OSBPL9: variants seen among roughly 807,000 people sequenced by gnomAD.
OSBPL9 encodes the protein oxysterol-binding protein-related protein 9.
In OSBPL9, 40 loss-of-function variants were observed where a neutral mutation model predicts 106.6. That is an observed-to-expected ratio of 0.38 (90% CI 0.29 to 0.49). The LOEUF is 0.49. Ranked by LOEUF, OSBPL9 falls within the 20% of genes least tolerant of loss-of-function variation. The pLI, the probability that OSBPL9 is intolerant of heterozygous loss-of-function variation, is 0.97. For missense variants in OSBPL9, 609 were observed against 887.2 expected (o/e 0.69, Z 3.98); for synonymous variants, 269 against 295.4 (o/e 0.91, Z 0.92).
upstream of OSBPL9, among the ~76,000 whole-genome samples, chr1:51,576,922 A>G (rs1462762510): frequency 6.6e-6 from 1 of 152,192 alleles, no homozygotes; most frequent in African/African-American, 2.4e-5. Flanking sequence ...TATAGTTTGA[A>G]TGTATGTCCC....
At chr1:51,523,621 G>A in the OSBPL9 span, among the ~76,000 whole-genome samples, 4,574 of 152,108 alleles carry the variant, frequency 0.03, 74 homozygotes, top group African/African-American at 0.05. Flanking sequence ...TCACCACCCA[G>A]GAAGACTTGT....
intron 2 of OSBPL9, among the ~76,000 whole-genome samples, chr1:51,663,587 C>A (rs1647660982): frequency 6.6e-6 from 1 of 152,086 alleles, no homozygotes; most frequent in African/African-American, 2.4e-5. Flanking sequence ...GGCCTTGGGA[C>A]TGGGAAAGAC....
chr1:51,519,307 C>T, the OSBPL9 span: 5 of 193,792 alleles, frequency 2.6e-5, no homozygotes, highest in South Asian at 3.8e-4. Flanking sequence ...GCGGAGGGAG[C>T]GGCCGCAGGC....
the OSBPL9 span, among the ~76,000 whole-genome samples, chr1:51,526,491 C>T: frequency 2.0e-5 from 3 of 152,038 alleles, no homozygotes; most frequent in Admixed American, 6.5e-5. Context: ...CTGAGGATTT[C>T]GGGGAAAGTT....
At chr1:51,665,131 G>A (rs77019388) in intron 2 of OSBPL9, among the ~76,000 whole-genome samples, 1,820 of 152,186 alleles carry the variant, frequency 0.012, 38 homozygotes, top group African/African-American at 0.042. Flanking sequence ...GTGTGACTAA[G>A]GGACTTACTT....
chr1:51,542,395 A>G, the OSBPL9 span, among the ~76,000 whole-genome samples: 10,703 of 152,224 alleles, frequency 0.07, 434 homozygotes, highest in Middle Eastern at 0.1. Context: ...TCCTTTCACT[A>G]TACATATCTT....
At chr1:51,550,921 A>G in the OSBPL9 span, among the ~76,000 whole-genome samples, 1 of 152,248 alleles carries the variant, frequency 6.6e-6, no homozygotes, top group African/African-American at 2.4e-5. Flanking sequence ...CATAAACACC[A>G]TAATAATGAT....
intron 3 of OSBPL9, among the ~76,000 whole-genome samples, chr1:51,688,051 C>T (rs891540982): frequency 4.0e-5 from 6 of 151,880 alleles, no homozygotes; most frequent in Admixed American, 6.6e-5. Flanking sequence ...CATGACTATT[C>T]GAAGTATAAA....
chr1:51,628,440 C>G (rs1031830154), intron 1 of OSBPL9, among the ~76,000 whole-genome samples: 1 of 151,738 alleles, frequency 6.6e-6, no homozygotes, highest in Non-Finnish European at 1.5e-5. Context: ...CTACGCTGGC[C>G]TGGTGCAGTG....
intron 3 of OSBPL9, among the ~76,000 whole-genome samples, chr1:51,705,273 G>A (rs1387655822): frequency 1.3e-5 from 2 of 150,030 alleles, no homozygotes; most frequent in African/African-American, 4.9e-5. Context: ...TCCTGGGGCT[G>A]CAGGCGTGTG....
chr1:51,778,106 A>G (rs575364231), intron 15 of OSBPL9, among the ~76,000 whole-genome samples: 1 of 152,184 alleles, frequency 6.6e-6, no homozygotes, highest in Non-Finnish European at 1.5e-5. Context: ...TGGGACTGTG[A>G]GCTATAATCA....
At position 51,737,411 on chromosome 1, in the gene OSBPL9, A is replaced by T. The variant is rs879682468; in HGVS notation, c.319-8125A>T. ...TATAAAATAAATGCATATTTATTTT[A>T]AAAAATTAAACAACATGAATGTGTA... On this transcript the variant is annotated intron_variant, in intron 4 of 23. Transcript: ENST00000428468. Among the ~76,000 whole-genome samples the T allele has an allele frequency of 8.5e-5, 13 of 152,212 alleles. 1 individual carries two copies. The highest frequency in any genetic ancestry group is 3.9e-4 in the Admixed American group (6 of 15,266).
intron 1 of OSBPL9, among the ~76,000 whole-genome samples, chr1:51,618,024 G>GTGTGTGTGTGTGTGTGTGTGT (rs1553150728): frequency 6.6e-6 from 1 of 150,418 alleles, no homozygotes; most frequent in African/African-American, 2.4e-5. Flanking sequence ...GTGTGTGTGT[G>GTGTGTGTGTGTGTGTGTGTGT]GTTTTTTTTT....
At chr1:51,731,942 A>G (rs1308052275) in intron 4 of OSBPL9, among the ~76,000 whole-genome samples, 5 of 152,220 alleles carry the variant, frequency 3.3e-5, no homozygotes, top group Non-Finnish European at 7.3e-5. Flanking sequence ...CCTTCAGTAA[A>G]TACGAGGATG....
chr1:51,666,078 C>T (rs1648425177), intron 2 of OSBPL9, among the ~76,000 whole-genome samples: 1 of 152,106 alleles, frequency 6.6e-6, no homozygotes, highest in South Asian at 2.1e-4. Flanking sequence ...AAACCCCTGA[C>T]CTCAGGTGAT....
chr1:51,524,665 T>C, the OSBPL9 span, among the ~76,000 whole-genome samples: 2 of 152,236 alleles, frequency 1.3e-5, no homozygotes, highest in Admixed American at 1.3e-4. Context: ...ACATAAAATT[T>C]ATTTAATCCA....
At chr1:51,746,261 A>C (rs1667956262) in intron 5 of OSBPL9, among the ~76,000 whole-genome samples, 1 of 152,022 alleles carries the variant, frequency 6.6e-6, no homozygotes, top group South Asian at 2.1e-4. Flanking sequence ...AATTTCTAAC[A>C]CTTTTTTAAT....
At chr1:51,745,429 G>A in intron 4 of OSBPL9, 107 bp from the exon 5 acceptor site, 1 of 1,474,622 alleles carries the variant, frequency 6.8e-7, no homozygotes, top group Admixed American at 2.3e-5. Context: ...AAATAGAACT[G>A]TATTTTAAAA....
the OSBPL9 span, among the ~76,000 whole-genome samples, chr1:51,551,011 C>G: frequency 1.6e-4 from 25 of 152,272 alleles, no homozygotes; most frequent in East Asian, 4.4e-3. Context: ...TCCCTACAAC[C>G]TCATAAAACA....
Sources: allele counts gnomAD v4.1 joint callset (sites outside exome capture counted in the v4.1 genomes callset), GRCh38; gene constraint gnomAD v4.1.1; transcripts MANE v1.5; gene names NCBI Gene and HGNC (gene_info 2026-07-23, HGNC 2026-07-21).